The following KCNH5 variants were observed in gnomAD, a reference collection of about 807,000 sequenced individuals.
KCNH5 encodes voltage-gated delayed rectifier potassium channel KCNH5.
In KCNH5, 46 loss-of-function variants were observed where a neutral mutation model predicts 96.1. The ratio of observed to expected loss-of-function variants is 0.48; its 90% confidence interval spans 0.38 to 0.61. KCNH5 has a LOEUF of 0.61. KCNH5 is among the 20% of genes least tolerant of loss of function. KCNH5 has a pLI of 0.00. For missense variants in KCNH5, 907 were observed against 1,225.8 expected, an observed-to-expected ratio of 0.74 and a Z score of 3.88; for synonymous variants, 439 against 449.8, an observed-to-expected ratio of 0.98 and a Z score of 0.30.
intron 1 of KCNH5, among the ~76,000 whole-genome samples, chr14:63,022,079 A>C (rs764469806): frequency 6.6e-6 from 1 of 152,088 alleles, no homozygotes; most frequent in Non-Finnish European, 1.5e-5. Flanking sequence ...CTCTTTTCTT[A>C]GCTATCTTAA....
At chr14:62,716,985 T>C (rs1037922201) in intron 10 of KCNH5, among the ~76,000 whole-genome samples, 2 of 152,170 alleles carry the variant, frequency 1.3e-5, no homozygotes, top group Non-Finnish European at 2.9e-5. Context: ...ATCTGTTGTA[T>C]TTCTATGCAC....
chr14:62,822,127 A>C (rs1887127671), intron 8 of KCNH5, among the ~76,000 whole-genome samples: 1 of 152,180 alleles, frequency 6.6e-6, no homozygotes, highest in Admixed American at 6.6e-5. Context: ...GAAAGAAATC[A>C]AGGAATTTGT....
At chr14:63,016,697 G>A (rs1891332364) in intron 2 of KCNH5, 134 bp downstream of exon 2, 1 of 779,634 alleles carries the variant, frequency 1.3e-6, no homozygotes, top group Non-Finnish European at 1.8e-6. Flanking sequence ...TGATAATTTA[G>A]TCTCCCTAAT....
At chr14:62,839,030 C>A (rs1165339538) in intron 8 of KCNH5, among the ~76,000 whole-genome samples, 1 of 152,012 alleles carries the variant, frequency 6.6e-6, no homozygotes, top group Non-Finnish European at 1.5e-5. Context: ...ACTTGGCACC[C>A]CTTATTCTCA....
chr14:62,944,021 T>C (rs1210695733), intron 7 of KCNH5, among the ~76,000 whole-genome samples: 1 of 152,040 alleles, frequency 6.6e-6, no homozygotes, highest in African/African-American at 2.4e-5. Flanking sequence ...GGAATCTCAG[T>C]TGAGTGGAAT....
intron 10 of KCNH5, among the ~76,000 whole-genome samples, chr14:62,769,093 G>GA (rs1457251045): frequency 1.3e-5 from 2 of 152,184 alleles, no homozygotes; most frequent in Admixed American, 6.5e-5. Flanking sequence ...GCTTGGAGTT[G>GA]AAAAACTGAG....
In KCNH5 at chr14:62,947,059, T is replaced by C. The variant is rs112421951; in HGVS notation, c.1369+3074A>G. Among the ~76,000 whole-genome samples the C allele has an allele frequency of 6.6e-5, 10 of 152,168 alleles. No homozygotes were observed. In the East Asian group the frequency reaches 1.4e-3, roughly 21 times the overall value. ...AGAGCTATACACACACATTATATCA[T>C]TGTCAATTTTGATACTGAGCTATAG... On this transcript the variant is annotated intron_variant, in intron 7 of 10. Transcript: ENST00000322893.
chr14:62,713,419 T>C (rs1375865764), intron 10 of KCNH5, among the ~76,000 whole-genome samples: 2 of 152,220 alleles, frequency 1.3e-5, no homozygotes, highest in Non-Finnish European at 2.9e-5. Context: ...TTCAAATCTT[T>C]GACCCACAAA....
At chr14:62,757,608 A>G (rs1885651075) in intron 10 of KCNH5, among the ~76,000 whole-genome samples, 1 of 150,976 alleles carries the variant, frequency 6.6e-6, no homozygotes, top group South Asian at 2.1e-4. Context: ...AGTACTATTC[A>G]GCCAAAAAAA....
At chr14:62,740,946 AC>A (rs1885259298) in intron 10 of KCNH5, among the ~76,000 whole-genome samples, 1 of 152,146 alleles carries the variant, frequency 6.6e-6, no homozygotes, top group Non-Finnish European at 1.5e-5. Flanking sequence ...AACTAAACTT[AC>A]TTTGCTAATT....
chr14:62,875,583 C>A (rs1326276683), intron 7 of KCNH5, among the ~76,000 whole-genome samples: 2 of 152,128 alleles, frequency 1.3e-5, no homozygotes, highest in African/African-American at 4.8e-5. Context: ...AATGCTTTTA[C>A]ACTCTTGGTG....
chr14:62,935,326 A>C (rs1296681646), intron 7 of KCNH5, among the ~76,000 whole-genome samples: 3 of 152,242 alleles, frequency 2.0e-5, no homozygotes, highest in Non-Finnish European at 2.9e-5. Context: ...AGGGATACAG[A>C]GTGGAACTAG....
At position 62,805,873 on chromosome 14, in the gene KCNH5, T is replaced by C. The variant is rs151316408; in HGVS notation, c.1570-3292A>G. Among the ~76,000 whole-genome samples, 88 of 152,272 alleles carry C rather than the reference T, an allele frequency of 5.8e-4. 2 individuals carry two copies. The East Asian group carries it at 0.013, about 23-fold the overall frequency. ...GCAATAAATTTTCTTGTAAGAGCTA[T>C]GGTGTCAGAGGCATGTGAACCAGAA... On this transcript the variant is annotated intron_variant, in intron 8 of 10. Coordinates refer to ENST00000322893, the MANE Select transcript of KCNH5 (RefSeq NM_139318.5).
intron 7 of KCNH5, among the ~76,000 whole-genome samples, chr14:62,895,668 A>G (rs781314328): frequency 3.9e-5 from 6 of 152,182 alleles, no homozygotes; most frequent in Non-Finnish European, 8.8e-5. Context: ...ATAAATATGC[A>G]CCATATGCCA....
intron 6 of KCNH5, among the ~76,000 whole-genome samples, chr14:62,973,738 G>GA (rs1480637609): frequency 6.6e-6 from 1 of 152,102 alleles, no homozygotes; most frequent in Admixed American, 6.5e-5. Flanking sequence ...AAAACAAACA[G>GA]AAAAATTAGG....
At chr14:62,916,929 C>A (rs983443587) in intron 7 of KCNH5, among the ~76,000 whole-genome samples, 2 of 152,158 alleles carry the variant, frequency 1.3e-5, no homozygotes. Flanking sequence ...AATTTTTTAA[C>A]AACTTGATCA....
At chr14:63,019,336 A>T (rs1403476834) in intron 1 of KCNH5, among the ~76,000 whole-genome samples, 1 of 152,074 alleles carries the variant, frequency 6.6e-6, no homozygotes. Flanking sequence ...TTTTGAGGAA[A>T]TTGAAAAATT....
At chr14:62,720,777 C>T (rs554143294) in intron 10 of KCNH5, among the ~76,000 whole-genome samples, 2 of 152,166 alleles carry the variant, frequency 1.3e-5, no homozygotes, top group South Asian at 2.1e-4. Context: ...TAGTCTAAGC[C>T]GAAGGACAAA....
chr14:63,041,946 G>C (rs1450552491), intron 1 of KCNH5, among the ~76,000 whole-genome samples: 2 of 152,056 alleles, frequency 1.3e-5, no homozygotes, highest in Non-Finnish European at 2.9e-5. Flanking sequence ...AAATCCTCAG[G>C]TATAAAATTG....
Sources: allele counts gnomAD v4.1 joint callset (sites outside exome capture counted in the v4.1 genomes callset), GRCh38; gene constraint gnomAD v4.1.1; transcripts MANE v1.5; gene names NCBI Gene and HGNC (gene_info 2026-07-23, HGNC 2026-07-21).